ZNF398: variants seen among roughly 807,000 people sequenced by gnomAD.
The protein encoded by ZNF398 is zinc finger DNA binding protein ZER6.
Under a neutral mutation model 41.9 loss-of-function variants are expected in ZNF398, and 18 were observed. That is an observed-to-expected ratio of 0.43 (90% CI 0.30 to 0.64). The LOEUF is 0.64. Ranked by LOEUF, ZNF398 falls within the 30% of genes least tolerant of loss-of-function variation. The pLI, the probability that ZNF398 is intolerant of heterozygous loss-of-function variation, is 0.14. For missense variants in ZNF398, 669 were observed against 822.8 expected, an observed-to-expected ratio of 0.81 and a Z score of 2.29; for synonymous variants, 260 against 308.8, an observed-to-expected ratio of 0.84 and a Z score of 1.66.
At position 149,166,799 on chromosome 7, in the gene ZNF398, TC is replaced by T; in HGVS notation, c.548-16del. The stretch of plus-strand genomic sequence containing the variant: ...TTTATCTCTTTGTAATACTCTCTCT[TC>T]CTTTTTCCTCTCCTAGATTATGCTA... On this transcript the variant is annotated splice_polypyrimidine_tract_variant and intron_variant, in intron 3 of 5. Transcript: ENST00000475153. 6.4e-7 allele frequency: 1 copy of T among 1,557,312 alleles called. No individual in the cohort carries two copies. Among genetic ancestry groups the T allele is most frequent in the South Asian group, 1.1e-5 (1 of 88,766 alleles).
chr7:149,139,743 C>A lies in ZNF398; in HGVS notation c.-490+10799C>A, dbSNP rs565029757. ...AAATTTGGCCGGGCGTGGTGGCTCA[C>A]GCCTGTAATCCCAGCACTTTGGGAG... On this transcript the variant is annotated intron_variant, in intron 2 of 6. Transcript: ENST00000426851. Among the ~76,000 whole-genome samples the A allele has an allele frequency of 6.7e-5, 10 of 150,358 alleles. No individual in the cohort carries two copies. In the Admixed American group the frequency reaches 6.7e-4, roughly 10 times the overall value.
chr7:149,149,293 G>C (rs1827050909), intron 1 of ZNF398, among the ~76,000 whole-genome samples: 1 of 151,934 alleles, frequency 6.6e-6, no homozygotes, highest in Non-Finnish European at 1.5e-5. Flanking sequence ...GAGTGCAGTG[G>C]CGCCATCTGG....
chr7:149,138,225 GA>G, intron 2 of ZNF398, among the ~76,000 whole-genome samples: 1 of 145,102 alleles, frequency 6.9e-6, no homozygotes, highest in African/African-American at 2.5e-5. Flanking sequence ...AAAAAAAAAA[GA>G]AAAAAATTTA....
chr7:149,136,492 G>C (rs534201250), intron 2 of ZNF398, among the ~76,000 whole-genome samples: 5 of 152,110 alleles, frequency 3.3e-5, no homozygotes, highest in Non-Finnish European at 7.3e-5. Context: ...TTGGGTTCAG[G>C]TTCATTTTTT....
intron 1 of ZNF398, among the ~76,000 whole-genome samples, chr7:149,126,860 C>A (rs889307176): frequency 6.6e-6 from 1 of 152,206 alleles, no homozygotes; most frequent in Non-Finnish European, 1.5e-5. Flanking sequence ...AGGAGGGGTC[C>A]GCCCACCACG....
At chr7:149,135,389 C>CAAAAAAAAA (rs777888671) in intron 2 of ZNF398, among the ~76,000 whole-genome samples, 15 of 61,360 alleles carry the variant, frequency 2.4e-4, no homozygotes, top group Admixed American at 4.3e-4. Context: ...GACTCTGTCT[C>CAAAAAAAAA]AAAAAAAAAA....
At chr7:149,169,342 C>T (rs527242450) in intron 4 of ZNF398, among the ~76,000 whole-genome samples, 1 of 152,244 alleles carries the variant, frequency 6.6e-6, no homozygotes, top group East Asian at 1.9e-4. Context: ...ACCTCGGCCT[C>T]CTAAATTGCT....
At chr7:149,167,123 A>G (rs1795240756) in intron 4 of ZNF398, among the ~76,000 whole-genome samples, 193 bp downstream of exon 4, 1 of 152,224 alleles carries the variant, frequency 6.6e-6, no homozygotes, top group Non-Finnish European at 1.5e-5. Flanking sequence ...ACCTATCAGT[A>G]CTACACACCT....
chr7:149,178,744 A>G lies in ZNF398; in HGVS notation c.872A>G (p.Asp291Gly). 7.4e-6 allele frequency: 12 copies of G among 1,614,182 alleles called. No individual in the cohort carries two copies. Among genetic ancestry groups the G allele is most frequent in the Non-Finnish European group, 1.0e-5 (12 of 1,180,038 alleles). ...TCTTCTCCACCAGCAGCAGCAAAGG[A>G]TGCTTTTTCAGATGTGGCTTTCAAA... is the stretch of plus-strand genomic sequence containing the variant. Reference protein sequence around the residue: ...PFSSPPAAAKDAFSDVAFKSQ... With the variant: ...PFSSPPAAAKGAFSDVAFKSQ... Residue 291 changes from aspartate to glycine, a missense_variant, in exon 6 of 6, where the codon GAT becomes GGT. This residue lies in a region of ZNF398 where 290 missense variants were observed against 292.9 expected (regional missense o/e 0.99). Coordinates refer to ENST00000475153, the MANE Select transcript of ZNF398 (RefSeq NM_170686.3).
At chr7:149,129,349 T>C (rs1463434135) in intron 2 of ZNF398, among the ~76,000 whole-genome samples, 2 of 152,116 alleles carry the variant, frequency 1.3e-5, no homozygotes, top group Non-Finnish European at 2.9e-5. Flanking sequence ...ATCCATATCA[T>C]TGTGTGTGAA....
At chr7:149,178,315 C>T (rs1165708623) in intron 5 of ZNF398, among the ~76,000 whole-genome samples, 5 of 151,734 alleles carry the variant, frequency 3.3e-5, no homozygotes, top group Non-Finnish European at 5.9e-5. Context: ...TACCTGAGCA[C>T]GGTAGTGCAT....
At chr7:149,144,223 T>C (rs1387688187), upstream of ZNF398, among the ~76,000 whole-genome samples, 2 of 152,228 alleles carry the variant, frequency 1.3e-5, no homozygotes, top group Non-Finnish European at 2.9e-5. Flanking sequence ...GGAAGTCTTA[T>C]TTAGTAATAC....
intron 1 of ZNF398, chr7:149,151,190 C>A: frequency 1.7e-6 from 2 of 1,173,656 alleles, no homozygotes; most frequent in African/African-American, 1.6e-5. Context: ...AGCAGTTTAC[C>A]TGGTGATTTC....
At chr7:149,128,604 A>G (rs79364448) in intron 1 of ZNF398, among the ~76,000 whole-genome samples, 5,475 of 151,786 alleles carry the variant, frequency 0.036, 326 homozygotes, top group African/African-American at 0.12. Context: ...AGATTTTGTC[A>G]GCACAGTGGC....
At chr7:149,153,322 A>G (rs1296746103) in intron 1 of ZNF398, among the ~76,000 whole-genome samples, 1 of 152,182 alleles carries the variant, frequency 6.6e-6, no homozygotes, top group Non-Finnish European at 1.5e-5. Flanking sequence ...AAAGAAAAAA[A>G]TGTATTTATT....
chr7:149,159,428 A>C (rs1468514832), intron 2 of ZNF398, among the ~76,000 whole-genome samples: 1 of 151,694 alleles, frequency 6.6e-6, no homozygotes, highest in Non-Finnish European at 1.5e-5. Flanking sequence ...CAGGTGGATC[A>C]TGAGGTCAAG....
chr7:149,149,300 C>A (rs1827051173), intron 1 of ZNF398, among the ~76,000 whole-genome samples: 2 of 152,072 alleles, frequency 1.3e-5, no homozygotes, highest in Admixed American at 1.3e-4. Context: ...GTGGCGCCAT[C>A]TGGGCTCACT....
At chr7:149,172,718 G>A (rs1795373483) in intron 4 of ZNF398, among the ~76,000 whole-genome samples, 3 of 152,282 alleles carry the variant, frequency 2.0e-5, no homozygotes, top group Admixed American at 2.0e-4. Flanking sequence ...CGGCCACAGT[G>A]TGTGATAAAT....
intron 2 of ZNF398, among the ~76,000 whole-genome samples, chr7:149,136,331 ACTC>A (rs1585503493): frequency 6.6e-6 from 1 of 151,516 alleles, no homozygotes; most frequent in Non-Finnish European, 1.5e-5. Context: ...GAGCAGAGGC[ACTC>A]CTCACTTTTT....
Sources: allele counts gnomAD v4.1 joint callset (sites outside exome capture counted in the v4.1 genomes callset), GRCh38; gene constraint gnomAD v4.1.1; regional missense constraint gnomAD v4.1.1; transcripts MANE v1.5; gene names NCBI Gene and HGNC (gene_info 2026-07-23, HGNC 2026-07-21).